IL4R: variants seen among roughly 807,000 people sequenced by gnomAD.
IL4R encodes interleukin 4 receptor.
Under a neutral mutation model 41.5 loss-of-function variants are expected in IL4R, and 17 were observed. That is an observed-to-expected ratio of 0.41 (90% CI 0.28 to 0.61). The LOEUF is 0.61. Among genes scored for constraint, IL4R ranks in the 20% least tolerant of loss-of-function variants. The pLI, the probability that IL4R is intolerant of heterozygous loss-of-function variation, is 0.31. For synonymous variants in IL4R, 402 were observed against 422.9 expected (o/e 0.95, Z 0.61); for missense variants, 974 against 1,043.1 (o/e 0.93, Z 0.91).
intron 3 of IL4R, chr16:27,341,022 C>T (rs1305419778): frequency 5.1e-6 from 3 of 587,404 alleles, no homozygotes; most frequent in Non-Finnish European, 9.6e-6. Context: ...CAAAAAAGAC[C>T]TTGCAGTGTT....
At chr16:27,317,740 T>C (rs1036299331) in intron 1 of IL4R, among the ~76,000 whole-genome samples, 6 of 152,190 alleles carry the variant, frequency 3.9e-5, no homozygotes, top group African/African-American at 1.4e-4. Flanking sequence ...CTCTCCACTG[T>C]GTAATCTGGA....
chr16:27,320,464 G>A (rs965728930), intron 1 of IL4R, among the ~76,000 whole-genome samples: 17 of 152,200 alleles, frequency 1.1e-4, no homozygotes, highest in Non-Finnish European at 2.2e-4. Flanking sequence ...ATGGAGATGA[G>A]TGGGTGTCCT....
At position 27,362,935 on chromosome 16, in the gene IL4R, C is replaced by T; in HGVS notation, c.1583C>T (p.Pro528Leu). Residue 528 changes from proline to leucine, a missense_variant, in exon 11 of 11, where the codon CCC becomes CTC. By Grantham distance (98) the Pro-to-Leu change is moderately conservative. Around this residue, in one of 3 missense-constraint regions of IL4R, gnomAD observed 682 missense variants for 704.3 expected, o/e 0.97. Coordinates refer to ENST00000395762, the MANE Select transcript of IL4R (RefSeq NM_000418.4). ...LLARHLEEVE[P>L]EMPCVPQLSE... ...GCCAGACACCTGGAGGAAGTAGAAC[C>T]CGAGATGCCCTGTGTCCCCCAGCTC... 1 of 1,614,140 alleles carries T rather than the reference C, an allele frequency of 6.2e-7. No homozygotes were observed. Among genetic ancestry groups the T allele is most frequent in the Non-Finnish European group, 8.5e-7 (1 of 1,180,034 alleles).
intron 6 of IL4R, among the ~76,000 whole-genome samples, chr16:27,348,253 CG>C (rs936568552): frequency 4.6e-5 from 7 of 151,986 alleles, no homozygotes; most frequent in Non-Finnish European, 8.8e-5. Context: ...GCTCAGAAAG[CG>C]GGGGGCATGG....
rs1170760935 is a variant in IL4R at position 27,362,506 on chromosome 16, G to A, written c.1154G>A (p.Cys385Tyr). 6.2e-7 allele frequency: 1 copy of A among 1,614,078 alleles called. No individual in the cohort carries two copies. Among genetic ancestry groups the A allele is most frequent in the Non-Finnish European group, 8.5e-7 (1 of 1,180,048 alleles). ...GTAGAGGAAGAAAAAGGGAGCTTCT[G>A]TGCATCGCCTGAGAGCAGCAGGGAT... ...EEVEEEKGSF[C>Y]ASPESSRDDF... The change falls in exon 11 of 11, where the codon TGT (cysteine) becomes TAT (tyrosine). Residue 385 changes from cysteine (C) to tyrosine (Y), a missense_variant. Physicochemically the swap from Cys to Tyr is radical, Grantham distance 194. Coordinates refer to ENST00000395762, the MANE Select transcript of IL4R (RefSeq NM_000418.4).
At chr16:27,322,255 AG>A (rs1392859598) in intron 1 of IL4R, among the ~76,000 whole-genome samples, 1 of 152,158 alleles carries the variant, frequency 6.6e-6, no homozygotes, top group Non-Finnish European at 1.5e-5. Flanking sequence ...GAGTAGAATA[AG>A]GGTTCAGGAT....
chr16:27,339,487 C>T (rs1169575426), intron 2 of IL4R, among the ~76,000 whole-genome samples: 2 of 152,114 alleles, frequency 1.3e-5, no homozygotes, highest in African/African-American at 4.8e-5. Flanking sequence ...TGGGGCTATT[C>T]TTAGTCCCAC....
chr16:27,353,028 T>C (rs2085933365), intron 7 of IL4R, among the ~76,000 whole-genome samples: 1 of 152,268 alleles, frequency 6.6e-6, no homozygotes, highest in Non-Finnish European at 1.5e-5. Flanking sequence ...GGTGCCGTCA[T>C]TCTCCAGGAC....
intron 1 of IL4R, among the ~76,000 whole-genome samples, chr16:27,323,483 C>T (rs1362452620): frequency 6.6e-6 from 1 of 152,142 alleles, no homozygotes; most frequent in Non-Finnish European, 1.5e-5. Flanking sequence ...CACTCCAGAG[C>T]CAAAGGCCTG....
intron 4 of IL4R, 83 bp downstream of exon 4, chr16:27,342,342 G>C: frequency 4.6e-6 from 7 of 1,530,274 alleles, no homozygotes; most frequent in Non-Finnish European, 6.3e-6. Flanking sequence ...CAGGTGGTGC[G>C]CTGGAGTGCA....
At position 27,345,251 on chromosome 16, in the gene IL4R, C is replaced by T. The variant is rs1050702653; in HGVS notation, c.361+231C>T. On this transcript the variant is annotated intron_variant, in intron 5 of 10. Coordinates refer to ENST00000395762, the MANE Select transcript of IL4R (RefSeq NM_000418.4). This position sits in a 1 kb window ranked among gnomAD's most constrained non-coding sequence, Gnocchi z 4.5. ...AAGCCCCCTTCAGCCCAGCTGTTTCCACCCCTGAACTTAAGTGCCCAGGAA... is the reference window on the plus strand; with the variant it reads ...AAGCCCCCTTCAGCCCAGCTGTTTCTACCCCTGAACTTAAGTGCCCAGGAA... 3.0e-6 allele frequency: 2 copies of T among 675,472 alleles called. No homozygotes were observed. The highest frequency in any genetic ancestry group is 5.4e-6 in the Non-Finnish European group (2 of 369,326). 41.8% of individuals were successfully genotyped at this position (675,472 alleles called of 1,614,324 possible).
Position 27,352,565 on chromosome 16 carries a change from T to C in IL4R, c.539T>C (p.Leu180Pro), listed in dbSNP as rs2085915118. 2 of 1,614,182 alleles carry C rather than the reference T, an allele frequency of 1.2e-6. No individual in the cohort carries two copies. The highest frequency in any genetic ancestry group is 1.7e-6 in the Non-Finnish European group (2 of 1,180,014). The change falls in exon 7 of 11, where the codon CTA (leucine) becomes CCA (proline). Residue 180 changes from leucine to proline, a missense_variant. This residue lies in a region of IL4R where 284 missense variants were observed against 313.4 expected (regional missense o/e 0.91). Coordinates refer to ENST00000395762, the MANE Select transcript of IL4R (RefSeq NM_000418.4). ...TTCAGAATCTATAACGTGACCTACC[T>C]AGAACCCTCCCTCCGCATCGCAGCC... ...ADFRIYNVTY[L>P]EPSLRIAAST...
At position 27,364,195 on chromosome 16, in the gene IL4R, G is replaced by A. The variant is rs2086419509; in HGVS notation, c.*365G>A. ...TCCCTGTTGTAACTGCCCAAGGCAT[G>A]TTTTGCCCACCAGATCATGGCCCAC... On this transcript the variant is annotated 3_prime_UTR_variant, in exon 11 of 11. Coordinates refer to ENST00000395762, the MANE Select transcript of IL4R (RefSeq NM_000418.4). 1 of 201,944 alleles carries A rather than the reference G, an allele frequency of 5.0e-6. No individual in the cohort carries two copies. Among genetic ancestry groups the A allele is most frequent in the Non-Finnish European group, 9.9e-6 (1 of 100,582 alleles). 12.5% of individuals were successfully genotyped at this position (201,944 alleles called of 1,614,324 possible).
At chr16:27,348,523 G>A (rs3024585) in intron 6 of IL4R, among the ~76,000 whole-genome samples, 72,048 of 152,140 alleles carry the variant, frequency 0.47, 17,360 homozygotes, top group East Asian at 0.64. Flanking sequence ...TACTGGCTTC[G>A]TTTTTAGGCA....
chr16:27,351,529 TC>T lies in IL4R; in HGVS notation c.514-1009del, dbSNP rs34241584. Among the ~76,000 whole-genome samples, 109 of 36,500 alleles carry T rather than the reference TC, an allele frequency of 3.0e-3. 5 individuals are homozygous for T. The highest frequency in any genetic ancestry group is 0.026 in the Middle Eastern group (2 of 78). 23.9% of individuals were successfully genotyped at this position (36,500 alleles called of 152,430 possible). ...CTCTCTCTTTTTTTTTTTTTTTTTT[TC>T]CGAGACGAAGTCGTCACTCTGTCAC... On this transcript the variant is annotated intron_variant, in intron 6 of 10. Transcript: ENST00000395762.
At chr16:27,360,947 G>A (rs1179792067) in intron 10 of IL4R, 132 bp downstream of exon 10, 1 of 1,571,636 alleles carries the variant, frequency 6.4e-7, no homozygotes, top group African/African-American at 1.3e-5. Flanking sequence ...TAGCCTTCAA[G>A]GGACGGCAGG....
chr16:27,356,891 G>C (rs2086099174), intron 8 of IL4R, among the ~76,000 whole-genome samples: 1 of 152,120 alleles, frequency 6.6e-6, no homozygotes, highest in African/African-American at 2.4e-5. Context: ...AAAGGCTGAG[G>C]GAGGAGATGA....
intron 1 of IL4R, among the ~76,000 whole-genome samples, chr16:27,318,029 A>G (rs180899832): frequency 1.3e-5 from 2 of 152,314 alleles, no homozygotes; most frequent in Admixed American, 6.5e-5. Context: ...CATACAGGCA[A>G]TGTACAACCA....
intron 1 of IL4R, among the ~76,000 whole-genome samples, chr16:27,327,672 C>T (rs1384646881): frequency 6.6e-6 from 1 of 152,060 alleles, no homozygotes; most frequent in African/African-American, 2.4e-5. Flanking sequence ...TCCTTAAACA[C>T]GTGGATTTTG....
Sources: allele counts gnomAD v4.1 joint callset (sites outside exome capture counted in the v4.1 genomes callset), GRCh38; gene constraint gnomAD v4.1.1; regional missense constraint gnomAD v4.1.1; non-coding constraint Gnocchi (gnomAD v3.1); transcripts MANE v1.5; gene names NCBI Gene and HGNC (gene_info 2026-07-23, HGNC 2026-07-21).